The following FAM221A variants were observed in gnomAD, a reference collection of about 807,000 sequenced individuals.
FAM221A encodes protein FAM221A.
Under a neutral mutation model 37.6 loss-of-function variants are expected in FAM221A, and 43 were observed. The ratio of observed to expected loss-of-function variants is 1.15; its 90% confidence interval spans 0.90 to 1.48. The LOEUF (loss-of-function observed/expected upper bound fraction) is 1.48. Among genes scored for constraint, FAM221A ranks in the 40% most tolerant of loss-of-function variants. FAM221A has a pLI of 0.00. For synonymous variants in FAM221A, 135 were observed against 132.9 expected (o/e 1.02, Z -0.11); for missense variants, 361 against 361.5 (o/e 1.00, Z 0.01).
intron 6 of FAM221A, 56 bp from the exon 7 acceptor site, chr7:23,702,040 T>A (rs1278105188): frequency 5.5e-6 from 7 of 1,266,398 alleles, no homozygotes; most frequent in Non-Finnish European, 6.5e-6. Context: ...CTGCAAGTTT[T>A]TTTTCTTTAG....
chr7:23,691,147 C>A (rs1784718020), intron 3 of FAM221A, among the ~76,000 whole-genome samples: 1 of 151,730 alleles, frequency 6.6e-6, no homozygotes, highest in Non-Finnish European at 1.5e-5. Flanking sequence ...CATTACCTGG[C>A]TCTTCAATTT....
intron 1 of FAM221A, among the ~76,000 whole-genome samples, chr7:23,681,561 A>T (rs1484588632): frequency 1.3e-5 from 2 of 152,136 alleles, no homozygotes; most frequent in African/African-American, 4.8e-5. Context: ...CTGGGACTAC[A>T]GGCGGCCAGC....
At chr7:23,700,192 G>A (rs1052259330) in intron 5 of FAM221A, among the ~76,000 whole-genome samples, 1 of 152,104 alleles carries the variant, frequency 6.6e-6, no homozygotes, top group Non-Finnish European at 1.5e-5. Context: ...GGAAATGAAG[G>A]GACCCAGTGA....
At chr7:23,697,871 C>T (rs1049547239) in intron 4 of FAM221A, among the ~76,000 whole-genome samples, 2 of 152,092 alleles carry the variant, frequency 1.3e-5, no homozygotes, top group Non-Finnish European at 2.9e-5. Flanking sequence ...CCTGCTTTAC[C>T]CTTCCAAGTA....
chr7:23,694,452 G>A (rs1584276139), intron 4 of FAM221A: 1 of 152,100 alleles, frequency 6.6e-6, no homozygotes, highest in East Asian at 1.9e-4. Context: ...TTCTTCTGCA[G>A]TTTTATGGGT....
At chr7:23,700,649 A>T (rs1037351864) in intron 5 of FAM221A, 137 bp from the exon 6 acceptor site, 2 of 585,162 alleles carry the variant, frequency 3.4e-6, no homozygotes, top group Non-Finnish European at 6.0e-6. Flanking sequence ...AGGTAGTAGG[A>T]CCAATTATTC....
intron 1 of FAM221A, among the ~76,000 whole-genome samples, chr7:23,682,436 A>T (rs10447615): frequency 0.086 from 6,487 of 75,526 alleles, 222 homozygotes; most frequent in South Asian, 0.21. Context: ...TATTATTATT[A>T]TTATTTTTTT....
intron 5 of FAM221A, 22 bp from the exon 6 acceptor site, chr7:23,700,764 T>G (rs369844984): frequency 1.4e-6 from 2 of 1,450,128 alleles, no homozygotes; most frequent in Non-Finnish European, 9.5e-7. Flanking sequence ...AATACATTAC[T>G]TAGATTTTTT....
At chr7:23,680,920 G>A (rs1783998548) in intron 1 of FAM221A, 1 of 152,240 alleles carries the variant, frequency 6.6e-6, no homozygotes, top group South Asian at 2.1e-4. Context: ...CTGAGGACGC[G>A]GAGTTGGGGC....
chr7:23,697,025 G>C (rs117140374), intron 4 of FAM221A, among the ~76,000 whole-genome samples: 4,145 of 151,820 alleles, frequency 0.027, 95 homozygotes, highest in Non-Finnish European at 0.044. Context: ...TAGAGGAAGT[G>C]ACAGGTATTG....
intron 2 of FAM221A, chr7:23,688,891 C>T (rs2128040538): frequency 6.5e-6 from 1 of 154,896 alleles, no homozygotes; most frequent in African/African-American, 2.4e-5. Context: ...CCGCCTCAGC[C>T]TCCCAAAGTG....
rs1242547403 is a variant in FAM221A at position 23,693,739 on chromosome 7, A to G, written c.637+2143A>G. Reference sequence around the variant, plus strand: ...TTTATTTTTTGTGAAAGTGTGAGGTAGATGTTTCTAACTTCAGTTTTTGTC... The same window carrying G: ...TTTATTTTTTGTGAAAGTGTGAGGTGGATGTTTCTAACTTCAGTTTTTGTC... On this transcript the variant is annotated intron_variant, in intron 4 of 6. Coordinates refer to ENST00000344962, the MANE Select transcript of FAM221A (RefSeq NM_199136.5). 4.6e-5 allele frequency: 7 copies of G among 152,164 alleles called. No individual in the cohort carries two copies. The South Asian group carries it at 1.5e-3, about 32-fold the overall frequency. The allele number at this position is 152,164 out of a possible 1,614,324, so 9.4% of individuals were successfully genotyped here.
intron 1 of FAM221A, among the ~76,000 whole-genome samples, chr7:23,683,769 G>A (rs1375320498): frequency 6.6e-6 from 1 of 152,174 alleles, no homozygotes; most frequent in Admixed American, 6.5e-5. Context: ...CAAACCGATA[G>A]TTGGGCTGCC....
intron 4 of FAM221A, 146 bp from the exon 5 acceptor site, chr7:23,698,046 C>A: frequency 1.7e-6 from 1 of 571,868 alleles, no homozygotes. Context: ...AGGCATGAGC[C>A]ATTACACCCA....
At chr7:23,690,083 T>C (rs1218307439) in intron 3 of FAM221A, among the ~76,000 whole-genome samples, 1 of 150,128 alleles carries the variant, frequency 6.7e-6, no homozygotes, top group Non-Finnish European at 1.5e-5. Context: ...TAATAAAACA[T>C]TTTTAATGAC....
intron 5 of FAM221A, among the ~76,000 whole-genome samples, chr7:23,699,301 T>TGCA (rs200469908): frequency 0.41 from 61,864 of 150,702 alleles, 13,251 homozygotes; most frequent in East Asian, 0.73. Flanking sequence ...ACTTTTTTTT[T>TGCA]GCAGCAGCAG....
At chr7:23,701,116 A>G (rs1477119930) in intron 6 of FAM221A, among the ~76,000 whole-genome samples, 1 of 152,216 alleles carries the variant, frequency 6.6e-6, no homozygotes, top group Non-Finnish European at 1.5e-5. Context: ...ATTGTCAGTA[A>G]TAAACATCAA....
In FAM221A at chr7:23,689,377, GA is replaced by G; in HGVS notation, c.350del (p.Asn117MetfsTer52). On this transcript the variant is annotated frameshift_variant, in exon 3 of 7. Coordinates refer to ENST00000344962, the MANE Select transcript of FAM221A (RefSeq NM_199136.5). LOFTEE classifies it high-confidence loss of function. ...QCRAYLYVPL[N>X]GSQPIRCRCK... ...GCAGGGCTTACCTTTATGTCCCCTT[GA>G]ATGGTAGCCAGCCCATTCGCTGCAG... The G allele has an allele frequency of 6.2e-7, 1 of 1,608,422 alleles. No homozygotes were observed. The highest frequency in any genetic ancestry group is 8.5e-7 in the Non-Finnish European group (1 of 1,175,806).
intron 4 of FAM221A, among the ~76,000 whole-genome samples, chr7:23,695,583 G>T (rs1219026873): frequency 6.6e-6 from 1 of 152,144 alleles, no homozygotes; most frequent in African/African-American, 2.4e-5. Context: ...ATGTTGGCCA[G>T]GCTGGTCTTG....
Sources: gnomAD v4.1 joint callset for allele counts (sites outside exome capture counted in the v4.1 genomes callset) on GRCh38, gnomAD v4.1.1 for gene constraint, MANE v1.5 for transcripts, NCBI Gene and HGNC (gene_info 2026-07-23, HGNC 2026-07-21) for gene names.